The following SNX29 variants were observed in gnomAD, a reference collection of about 807,000 sequenced individuals.
SNX29 encodes the protein sorting nexin 29.
In SNX29, 78 loss-of-function variants were observed where a neutral mutation model predicts 102.1. The observed-to-expected ratio is 0.76, with a 90% CI of 0.64 to 0.92. The LOEUF is 0.92. Among genes scored for constraint, SNX29 ranks in the 40% least tolerant of loss-of-function variants. The pLI is 0.00. For synonymous variants in SNX29, 580 were observed against 414.5 expected (o/e 1.40, Z -4.85); for missense variants, 1,280 against 1,061.7 (o/e 1.21, Z -2.86).
intron 19 of SNX29, chr16:12,515,654 A>T (rs1567642633): frequency 6.2e-6 from 3 of 482,412 alleles, no homozygotes; most frequent in South Asian, 4.6e-5. Flanking sequence ...AGCCAAGTCC[A>T]TCTCTGTGCC....
At chr16:12,324,929 C>T (rs1329792035) in intron 15 of SNX29, among the ~76,000 whole-genome samples, 1 of 152,154 alleles carries the variant, frequency 6.6e-6, no homozygotes, top group Non-Finnish European at 1.5e-5. Context: ...AGCGTTTCAA[C>T]CGGGACGCAA....
At chr16:12,140,952 ACT>A (rs2141499840) in intron 13 of SNX29, among the ~76,000 whole-genome samples, 1 of 152,242 alleles carries the variant, frequency 6.6e-6, no homozygotes, top group South Asian at 2.1e-4. Context: ...TCAGTATAAC[ACT>A]CTAATATGAA....
chr16:12,360,946 C>T (rs566429704), intron 16 of SNX29, among the ~76,000 whole-genome samples: 36 of 152,264 alleles, frequency 2.4e-4, no homozygotes, highest in Admixed American at 7.9e-4. Flanking sequence ...TTACAAAGCC[C>T]ATTTTCTTTC....
intron 15 of SNX29, among the ~76,000 whole-genome samples, chr16:12,327,758 G>A (rs975696807): frequency 2.0e-5 from 3 of 152,134 alleles, no homozygotes; most frequent in Non-Finnish European, 4.4e-5. Flanking sequence ...CCAGAAGTCA[G>A]GCTGTTGATG....
chr16:12,063,364 ATCTT>A, intron 9 of SNX29, among the ~76,000 whole-genome samples: 1 of 48,232 alleles, frequency 2.1e-5, no homozygotes, highest in East Asian at 4.4e-4. Flanking sequence ...TTCCTAGTCC[ATCTT>A]TTTTTTTTTT....
chr16:12,299,231 C>T (rs751988873), intron 15 of SNX29, among the ~76,000 whole-genome samples: 3 of 151,890 alleles, frequency 2.0e-5, no homozygotes, highest in African/African-American at 4.8e-5. Flanking sequence ...ACCCAGGAGA[C>T]GGAGGTTGCA....
Position 12,072,104 on chromosome 16 carries a change from C to T in SNX29, c.1319+2972C>T, listed in dbSNP as rs537957676. On this transcript the variant is annotated intron_variant, in intron 10 of 20. Transcript: ENST00000566228. ...GGGTTTTCTAGATATACAGTCACAT[C>T]GTCTGCAAACAGGGACAATTTGACT... is the stretch of plus-strand genomic sequence containing the variant. 1.3e-4 allele frequency among the ~76,000 whole-genome samples: 20 copies of T among 152,290 alleles called. No homozygotes were observed. In the South Asian group the frequency reaches 3.3e-3, roughly 25 times the overall value.
intron 19 of SNX29, among the ~76,000 whole-genome samples, chr16:12,510,647 T>C (rs1283231981): frequency 2.0e-5 from 3 of 151,852 alleles, no homozygotes; most frequent in Non-Finnish European, 2.9e-5. Flanking sequence ...CACTCCAGCC[T>C]GGGCGACAGA....
At chr16:12,244,916 T>G (rs769572926) in intron 14 of SNX29, among the ~76,000 whole-genome samples, 20 of 152,238 alleles carry the variant, frequency 1.3e-4, no homozygotes, top group Non-Finnish European at 1.5e-4. Flanking sequence ...CAGTCATGTT[T>G]CTCCTTTCAG....
chr16:12,442,873 G>T, intron 18 of SNX29: 1 of 381,530 alleles, frequency 2.6e-6, no homozygotes, highest in South Asian at 2.0e-5. Flanking sequence ...GATTTTAGGT[G>T]TCAGCCACCA....
At chr16:12,112,059 G>C (rs957374083) in intron 11 of SNX29, among the ~76,000 whole-genome samples, 8 of 152,226 alleles carry the variant, frequency 5.3e-5, no homozygotes, top group African/African-American at 1.7e-4. Flanking sequence ...GGTTGCAGTG[G>C]TTTGCAAAGG....
intron 14 of SNX29, among the ~76,000 whole-genome samples, chr16:12,238,898 G>GT (rs2078017711): frequency 6.6e-6 from 1 of 152,164 alleles, no homozygotes; most frequent in Admixed American, 6.5e-5. Flanking sequence ...TTATCCTCAG[G>GT]TTGGTCTAAG....
chr16:12,421,376 T>A (rs2084864484), intron 18 of SNX29, among the ~76,000 whole-genome samples: 1 of 151,588 alleles, frequency 6.6e-6, no homozygotes, highest in South Asian at 2.1e-4. Context: ...TCAAAGGAGG[T>A]TTGGAGACCA....
At chr16:12,327,894 CCT>C (rs1490175159) in intron 15 of SNX29, among the ~76,000 whole-genome samples, 1 of 152,146 alleles carries the variant, frequency 6.6e-6, no homozygotes, top group Non-Finnish European at 1.5e-5. Flanking sequence ...CAGGGCCCTT[CCT>C]GCCACCATCC....
At chr16:12,119,957 G>A (rs1415428886) in intron 11 of SNX29, among the ~76,000 whole-genome samples, 1 of 152,198 alleles carries the variant, frequency 6.6e-6, no homozygotes, top group Non-Finnish European at 1.5e-5. Context: ...GTAACCACTG[G>A]CCATCTGAGC....
intron 18 of SNX29, among the ~76,000 whole-genome samples, chr16:12,426,104 T>TA (rs941603525): frequency 3.3e-5 from 5 of 151,822 alleles, no homozygotes; most frequent in African/African-American, 1.2e-4. Flanking sequence ...TTTAAAAAGA[T>TA]ACAGTACTGT....
chr16:12,370,376 G>C (rs373822928), intron 16 of SNX29, among the ~76,000 whole-genome samples: 215 of 152,218 alleles, frequency 1.4e-3, no homozygotes, highest in Non-Finnish European at 2.4e-3. Context: ...CCTGGCCAAC[G>C]TGGTGAAAAC....
At chr16:12,347,749 A>G (rs1381071751) in intron 15 of SNX29, among the ~76,000 whole-genome samples, 1 of 152,034 alleles carries the variant, frequency 6.6e-6, no homozygotes. Flanking sequence ...AAACCTGTAC[A>G]ATAGGTGACA....
chr16:12,540,934 C>T (rs1391761914), intron 20 of SNX29, among the ~76,000 whole-genome samples: 3 of 152,214 alleles, frequency 2.0e-5, no homozygotes, highest in Non-Finnish European at 4.4e-5. Context: ...CCCCTGCCCA[C>T]TTTTGGGGTC....
Sources: allele counts gnomAD v4.1 joint callset (sites outside exome capture counted in the v4.1 genomes callset), GRCh38; gene constraint gnomAD v4.1.1; transcripts MANE v1.5; gene names NCBI Gene and HGNC (gene_info 2026-07-23, HGNC 2026-07-21).